The following PATE1 variants were observed in gnomAD, a reference collection of about 807,000 sequenced individuals.
PATE1 encodes prostate and testis expressed protein 1.
A neutral mutation model predicts 13.1 loss-of-function variants in PATE1; 21 were observed. The observed-to-expected ratio is 1.61, with a 90% CI of 1.14 to 2.31. PATE1 has a LOEUF of 2.31. Among genes scored for constraint, PATE1 ranks in the 30% most tolerant of loss-of-function variants. The pLI is 0.00. For missense variants in PATE1, 166 were observed against 147.2 expected (o/e 1.13, Z -0.66); for synonymous variants, 52 against 47.1 (o/e 1.10, Z -0.43).
At chr11:125,746,423 A>G (rs774834740) in intron 1 of PATE1, 67 bp downstream of exon 1, 70 of 1,545,788 alleles carry the variant, frequency 4.5e-5, no homozygotes, top group Non-Finnish European at 5.6e-5. Context: ...CACCCATGAC[A>G]GAGGCCTTCT....
chr11:125,749,027 A>G lies in PATE1; in HGVS notation c.*294A>G. ...TCACTGTATAGCCAGTTCATTCAGA[A>G]AAGGAGGAAAGGGTAGTTTAATTTC... On this transcript the variant is annotated 3_prime_UTR_variant, in exon 5 of 5. Coordinates refer to ENST00000305738, the MANE Select transcript of PATE1 (RefSeq NM_138294.3). The G allele has an allele frequency of 3.9e-6, 1 of 258,024 alleles. No individual in the cohort carries two copies. Among genetic ancestry groups the G allele is most frequent in the East Asian group, 7.1e-5 (1 of 14,180 alleles). 16.0% of individuals were successfully genotyped at this position (258,024 alleles called of 1,614,324 possible).
chr11:125,747,953 T>C (rs2134165150), intron 4 of PATE1, 131 bp downstream of exon 4: 2 of 1,311,438 alleles, frequency 1.5e-6, no homozygotes, highest in East Asian at 4.8e-5. Context: ...GCTGATTCCT[T>C]CATCCCCATC....
At position 125,748,922 on chromosome 11, in the gene PATE1, C is replaced by T; in HGVS notation, c.*189C>T. 1 of 576,414 alleles carries T rather than the reference C, an allele frequency of 1.7e-6. No homozygotes were observed. Among genetic ancestry groups the T allele is most frequent in the Non-Finnish European group, 2.8e-6 (1 of 352,588 alleles). 35.7% of individuals were successfully genotyped at this position (576,414 alleles called of 1,614,324 possible). A position where few individuals can be genotyped will look rare whatever the true frequency, so the allele number is the denominator to read the frequency against. ...CTTTTCTACAGTCTCTGTCACGCCC[C>T]TTAAAATAAGTAAATAAATAACCTT... On this transcript the variant is annotated 3_prime_UTR_variant, in exon 5 of 5. Coordinates refer to ENST00000305738, the MANE Select transcript of PATE1 (RefSeq NM_138294.3).
rs1943314916 is a variant in PATE1, at chr11:125,749,863, C to T, written c.*1130C>T. On this transcript the variant is annotated 3_prime_UTR_variant, in exon 5 of 5. Transcript: ENST00000305738. ...AAAGAAAGCTACCTTTCTTCTATAC[C>T]CAAATTGTGTGTCCTTCTTTCTCTC... 1 of 151,502 alleles carries T rather than the reference C, an allele frequency of 6.6e-6. No homozygotes were observed. The highest frequency in any genetic ancestry group is 2.1e-4 in the South Asian group (1 of 4,794). The allele number at this position is 151,502 out of a possible 1,614,324, so 9.4% of individuals were successfully genotyped here.
chr11:125,747,997 A>C, intron 4 of PATE1, 175 bp downstream of exon 4: 2 of 969,300 alleles, frequency 2.1e-6, no homozygotes, highest in Non-Finnish European at 3.0e-6. Flanking sequence ...GGAGGTGGTC[A>C]CTAAGGAGGG....
At position 125,747,837 on chromosome 11, in the gene PATE1, G is replaced by A. The variant is rs1943287310; in HGVS notation, c.247+15G>A. ...GATGTTCAAAAGTAAGTTGTGGGTT[G>A]GGGAAAAGAAGAACGGGCAGAGGAC... On this transcript the variant is annotated intron_variant, in intron 4 of 4. Coordinates refer to ENST00000305738, the MANE Select transcript of PATE1 (RefSeq NM_138294.3). 1.2e-6 allele frequency: 2 copies of A among 1,613,470 alleles called. No individual in the cohort carries two copies. The highest frequency in any genetic ancestry group is 1.7e-6 in the Non-Finnish European group (2 of 1,179,582).
chr11:125,747,915 T>C, intron 4 of PATE1, 93 bp downstream of exon 4: 1 of 1,547,960 alleles, frequency 6.5e-7, no homozygotes, highest in Non-Finnish European at 8.8e-7. Flanking sequence ...ACTTTACTTT[T>C]ACTATAGGCA....
intron 4 of PATE1, 74 bp from the exon 5 acceptor site, chr11:125,748,526 G>A: frequency 6.6e-7 from 1 of 1,508,914 alleles, no homozygotes; most frequent in South Asian, 1.2e-5. Flanking sequence ...ATATGTTGGT[G>A]TGGTCTGGAG....
intron 2 of PATE1, 65 bp downstream of exon 2, chr11:125,746,761 G>C: frequency 3.8e-6 from 6 of 1,581,434 alleles, no homozygotes; most frequent in Non-Finnish European, 5.2e-6. Context: ...TGAGTGGGGT[G>C]AGGTGAGCAC....
intron 1 of PATE1, 30 bp from the exon 2 acceptor site, chr11:125,746,631 A>G (rs763584552): frequency 6.2e-7 from 1 of 1,613,102 alleles, no homozygotes; most frequent in South Asian, 1.1e-5. Flanking sequence ...TGAGGTCTGC[A>G]GACAGTGTAT....
intron 2 of PATE1, 64 bp from the exon 3 acceptor site, chr11:125,747,312 A>C (rs1208571118): frequency 4.7e-6 from 7 of 1,502,916 alleles, no homozygotes; most frequent in Non-Finnish European, 6.4e-6. Context: ...AGACTATAAG[A>C]ACCCAATACA....
In PATE1 at chr11:125,746,332, C is replaced by A; in HGVS notation, c.28C>A (p.Pro10Thr). The change falls in exon 1 of 5, where the codon CCC becomes ACC. Residue 10 changes from proline (P) to threonine (T), a missense_variant. Physicochemically the swap from Pro to Thr is conservative, Grantham distance 38 (BLOSUM62 -1). Coordinates refer to ENST00000305738, the MANE Select transcript of PATE1 (RefSeq NM_138294.3). Reference sequence around the variant, plus strand: ...GGACAAGTCCCTCTTGCTGGAACTCCCCATCCTGCTCTGCTGCTTTAGGGG... The same window carrying A: ...GGACAAGTCCCTCTTGCTGGAACTCACCATCCTGCTCTGCTGCTTTAGGGG... Reference protein sequence around the residue: MDKSLLLELPILLCCFRALS... With the variant: MDKSLLLELTILLCCFRALS... 1 of 1,613,948 alleles carries A rather than the reference C, an allele frequency of 6.2e-7. No homozygotes were observed. The highest frequency in any genetic ancestry group is 8.5e-7 in the Non-Finnish European group (1 of 1,179,876).
At position 125,748,674 on chromosome 11, in the gene PATE1, G is replaced by T; in HGVS notation, c.322G>T (p.Val108Phe). ...CADVKGIRWS[V>F]YLVNFRCCRS... ...TGATGTGAAAGGCATAAGGTGGAGT[G>T]TCTATTTGGTGAACTTCAGGTGCTG... The change falls in exon 5 of 5, where the codon GTC (valine) becomes TTC (phenylalanine). Residue 108 changes from valine (V) to phenylalanine (F), a missense_variant. Coordinates refer to ENST00000305738, the MANE Select transcript of PATE1 (RefSeq NM_138294.3). 1.2e-6 allele frequency: 2 copies of T among 1,613,918 alleles called. No individual in the cohort carries two copies. The highest frequency in any genetic ancestry group is 1.7e-6 in the Non-Finnish European group (2 of 1,179,906).
rs1391264645 is a variant in PATE1 at position 125,748,605 on chromosome 11, G to A, written c.253G>A (p.Gly85Ser). 1 of 1,613,358 alleles carries A rather than the reference G, an allele frequency of 6.2e-7. No homozygotes were observed. Among genetic ancestry groups the A allele is most frequent in the Non-Finnish European group, 8.5e-7 (1 of 1,179,772 alleles). The change falls in exon 5 of 5, where the codon GGT (glycine) becomes AGT (serine). Residue 85 changes from glycine to serine, a missense_variant. Gly to Ser is a moderately conservative substitution (Grantham distance 56, BLOSUM62 0). Coordinates refer to ENST00000305738, the MANE Select transcript of PATE1 (RefSeq NM_138294.3). The part of the protein sequence containing the change: ...CMVGRMFKRD[G>S]NPWLTFMGCL... ...GTTTTTTCTCCCCTCCACAGGGGAT[G>A]GTAATCCCTGGTTAACCTTCATGGG... is the stretch of plus-strand genomic sequence containing the variant.
At position 125,746,341 on chromosome 11, in the gene PATE1, C is replaced by A. The variant is rs1943271179; in HGVS notation, c.37C>A (p.Leu13Ile). ...KSLLLELPIL[L>I]CCFRALSGSL... ...CCTCTTGCTGGAACTCCCCATCCTG[C>A]TCTGCTGCTTTAGGGGTGAGTCCCT... is the stretch of plus-strand genomic sequence containing the variant. Residue 13 changes from leucine (L) to isoleucine (I), a missense_variant, in exon 1 of 5, where the codon CTC becomes ATC. Transcript: ENST00000305738. 6.2e-7 allele frequency: 1 copy of A among 1,613,796 alleles called. No homozygotes were observed. The highest frequency in any genetic ancestry group is 8.5e-7 in the Non-Finnish European group (1 of 1,179,856).
chr11:125,748,347 C>T (rs1406624901), intron 4 of PATE1, among the ~76,000 whole-genome samples: 2 of 152,306 alleles, frequency 1.3e-5, no homozygotes, highest in Non-Finnish European at 2.9e-5. Flanking sequence ...TCAAGAGAAA[C>T]ACCCAGCTTT....
Position 125,746,683 on chromosome 11 carries a change from G to A in PATE1, c.75G>A (p.Met25Ile), listed in dbSNP as rs1444869803. The A allele has an allele frequency of 7.4e-6, 12 of 1,613,546 alleles. No individual in the cohort carries two copies. In the South Asian group the frequency reaches 1.1e-4, roughly 15 times the overall value. The change falls in exon 2 of 5, where the codon ATG becomes ATA. Residue 25 changes from methionine to isoleucine, a missense_variant. Physicochemically the swap from Met to Ile is conservative, Grantham distance 10. Transcript: ENST00000305738. ...CFRALSGSLS[M>I]RNDAVNEIVA... ...CAGCATTATCTGGATCACTTTCAAT[G>A]AGAAATGATGCAGGTGAGTAGGAAT...
At position 125,747,690 on chromosome 11, in the gene PATE1, T is replaced by A. The variant is rs773020834; in HGVS notation, c.125-10T>A. ...TTTTCTCACTTCTCTTTCCCCTCTC[T>A]CTGGCCAAGTGATAGAAATTGTTCA... is the stretch of plus-strand genomic sequence containing the variant. On this transcript the variant is annotated splice_polypyrimidine_tract_variant and intron_variant, in intron 3 of 4. Coordinates refer to ENST00000305738, the MANE Select transcript of PATE1 (RefSeq NM_138294.3). 126 of 1,612,698 alleles carry A rather than the reference T, an allele frequency of 7.8e-5. No homozygotes were observed. Among genetic ancestry groups the A allele is most frequent in the Non-Finnish European group, 1.0e-4 (123 of 1,179,618 alleles).
chr11:125,748,889 T>G lies in PATE1; in HGVS notation c.*156T>G. On this transcript the variant is annotated 3_prime_UTR_variant, in exon 5 of 5. Coordinates refer to ENST00000305738, the MANE Select transcript of PATE1 (RefSeq NM_138294.3). ...CCATCTTCTGCACACGAAAGGAAAG[T>G]CCCTCTCCTTTTCTACAGTCTCTGT... 2.3e-6 allele frequency: 2 copies of G among 870,618 alleles called. No individual in the cohort carries two copies. The highest frequency in any genetic ancestry group is 3.4e-6 in the Non-Finnish European group (2 of 588,340). 53.9% of individuals were successfully genotyped at this position (870,618 alleles called of 1,614,324 possible).
Sources: allele counts gnomAD v4.1 joint callset (sites outside exome capture counted in the v4.1 genomes callset), GRCh38; gene constraint gnomAD v4.1.1; transcripts MANE v1.5; gene names NCBI Gene and HGNC (gene_info 2026-07-23, HGNC 2026-07-21).